Variants in KDM5D observed in about 807,000 individuals in gnomAD.
KDM5D encodes lysine demethylase 5D.
KDM5D carries 25 observed loss-of-function variants against 31.9 expected under a neutral mutation model. That is an observed-to-expected ratio of 0.78 (90% CI 0.57 to 1.09). The LOEUF is 1.09. KDM5D is among the 50% of genes least tolerant of loss of function. The pLI, the probability that KDM5D is intolerant of heterozygous loss-of-function variation, is 0.00. For synonymous variants in KDM5D, 146 were observed against 122.3 expected, an observed-to-expected ratio of 1.19 and a Z score of -1.28; for missense variants, 366 against 341.6, an observed-to-expected ratio of 1.07 and a Z score of -0.56.
chrY:19,706,238 T>C lies in KDM5D; in HGVS notation c.4377A>G (p.Gln1459=). The part of the protein sequence containing the change: ...DQGRNVENLV[Q]QELQSKRARS... ...GAGCCCTTTTTGACTGAAGCTCCTG[T>C]TGAACAAGATTCTCAACGTTTCTAC... is the stretch of plus-strand genomic sequence containing the variant. The change falls in exon 27 of 27, where the codon CAA becomes CAG. Residue 1459 remains glutamine (Q), a synonymous_variant. Coordinates refer to ENST00000317961, the MANE Select transcript of KDM5D (RefSeq NM_004653.5). 1 of 396,059 alleles carries C rather than the reference T, an allele frequency of 2.5e-6. No individual in the cohort carries two copies. Among genetic ancestry groups the C allele is most frequent in the South Asian group, 3.0e-5 (1 of 33,193 alleles).
chrY:19,742,522 G>C (rs1050516601), intron 3 of KDM5D, among the ~76,000 whole-genome samples: 1 of 34,171 alleles, frequency 2.9e-5, no homozygotes, highest in South Asian at 6.4e-4. Context: ...TTCTGTTAAA[G>C]AACTAAAAAA....
At chrY:19,733,127 T>C (rs2045484940) in intron 8 of KDM5D, among the ~76,000 whole-genome samples, 1 of 33,661 alleles carries the variant, frequency 3.0e-5, no homozygotes, top group Non-Finnish European at 7.4e-5. Flanking sequence ...GATAGACATA[T>C]ACTTTCATTA....
At chrY:19,732,361 C>G (rs767052568) in intron 9 of KDM5D, among the ~76,000 whole-genome samples, 196 bp from the exon 10 acceptor site, 1 of 32,183 alleles carries the variant, frequency 3.1e-5, no homozygotes, top group Non-Finnish European at 7.5e-5. Context: ...ATGCTTCATG[C>G]CATTTGAATT....
chrY:19,708,000 C>G lies in KDM5D; in HGVS notation c.3333G>C (p.Gly1111=), dbSNP rs368539895. Residue 1111 remains glycine, a synonymous_variant, in exon 23 of 27, where the codon GGG becomes GGC. Transcript: ENST00000317961. ...KRSRWMEKAL[G]LYQCDTELLG... ...GCAGCTCTGTGTCACACTGGTACAA[C>G]CCCAGCGCCTTCTCCATCCACCGGC... 2.5e-6 allele frequency: 1 copy of G among 394,827 alleles called. No homozygotes were observed. The highest frequency in any genetic ancestry group is 6.5e-5 in the African/African-American group (1 of 15,400).
intron 3 of KDM5D, among the ~76,000 whole-genome samples, chrY:19,742,070 TA>T (rs2045557130): frequency 3.0e-5 from 1 of 33,517 alleles, no homozygotes. Flanking sequence ...TGTGCCGTCT[TA>T]GGATCAACAT....
chrY:19,731,121 T>C, intron 11 of KDM5D, among the ~76,000 whole-genome samples: 1 of 33,790 alleles, frequency 3.0e-5, no homozygotes, highest in Admixed American at 2.7e-4. Flanking sequence ...CTTTTGGTTC[T>C]GGCCAACATG....
intron 13 of KDM5D, among the ~76,000 whole-genome samples, chrY:19,720,016 T>C: frequency 1.8e-4 from 6 of 32,672 alleles, no homozygotes; most frequent in Non-Finnish European, 3.7e-4. Context: ...TGAAAGGATA[T>C]TACTGAGTAG....
intron 11 of KDM5D, among the ~76,000 whole-genome samples, chrY:19,729,989 G>A: frequency 9.0e-5 from 3 of 33,229 alleles, no homozygotes; most frequent in African/African-American, 3.5e-4. Context: ...CAGGAGACCT[G>A]TAAAACAATG....
intron 5 of KDM5D, 115 bp downstream of exon 5, chrY:19,741,203 C>CTA (rs2045546749): frequency 5.6e-6 from 1 of 180,128 alleles, no homozygotes; most frequent in African/African-American, 8.6e-5. Context: ...CATCTTCACT[C>CTA]TAGAGATTTA....
At chrY:19,741,629 C>A in intron 4 of KDM5D, 106 bp downstream of exon 4, 2 of 258,588 alleles carry the variant, frequency 7.7e-6, no homozygotes, top group South Asian at 7.8e-5. Context: ...CGTCAAGAAA[C>A]GCTGCCAGGC....
chrY:19,729,059 C>A (rs1603545943), intron 11 of KDM5D, among the ~76,000 whole-genome samples: 1 of 30,217 alleles, frequency 3.3e-5, no homozygotes, highest in South Asian at 8.0e-4. Flanking sequence ...TAAAAATACA[C>A]AAAATTAGCT....
At chrY:19,719,156 C>T (rs1603545843) in intron 13 of KDM5D, among the ~76,000 whole-genome samples, 1 of 28,416 alleles carries the variant, frequency 3.5e-5, no homozygotes, top group South Asian at 8.3e-4. Context: ...GGCGACAGAG[C>T]GAGACTCCGT....
intron 20 of KDM5D, 113 bp from the exon 21 acceptor site, chrY:19,709,126 T>C (rs1016241788): frequency 1.6e-4 from 31 of 199,024 alleles, no homozygotes; most frequent in Non-Finnish European, 2.3e-4. Flanking sequence ...AAGTGTTGCA[T>C]GACAAAGTAA....
At chrY:19,711,219 G>A (rs2045295300) in intron 18 of KDM5D, among the ~76,000 whole-genome samples, 1 of 33,071 alleles carries the variant, frequency 3.0e-5, no homozygotes, top group South Asian at 6.6e-4. Context: ...GGAAATGCAG[G>A]GCATGTTATT....
At chrY:19,718,099 G>C (rs1007278878) in intron 13 of KDM5D, among the ~76,000 whole-genome samples, 1 of 34,073 alleles carries the variant, frequency 2.9e-5, no homozygotes, top group Non-Finnish European at 7.3e-5. Flanking sequence ...TAGAACCCTT[G>C]AGCATGGCTG....
At chrY:19,741,680 A>C in intron 4 of KDM5D, 55 bp downstream of exon 4, 2 of 350,690 alleles carry the variant, frequency 5.7e-6, no homozygotes, top group Non-Finnish European at 8.2e-6. Flanking sequence ...TCTACCACAG[A>C]AGATCCTTGA....
At position 19,716,340 on chromosome Y, in the gene KDM5D, T is replaced by C. The variant is rs745923572; in HGVS notation, c.1970A>G (p.His657Arg). 2.5e-6 allele frequency: 1 copy of C among 399,034 alleles called. No individual in the cohort carries two copies. The highest frequency in any genetic ancestry group is 3.5e-6 in the Non-Finnish European group (1 of 283,436). ...TLDLNLAVAV[H>R]KEMFIMVQEE... is the part of the protein sequence containing the mutation. ...CTGAACCATAATGAACATCTCCTTGTGCACAGCTACTGCTAGATTGAGATC... is the reference window on the plus strand; with the variant it reads ...CTGAACCATAATGAACATCTCCTTGCGCACAGCTACTGCTAGATTGAGATC... Residue 657 changes from histidine (H) to arginine (R), a missense_variant, in exon 15 of 27, where the codon CAC (histidine) becomes CGC (arginine). Physicochemically the swap from His to Arg is conservative, Grantham distance 29. Coordinates refer to ENST00000317961, the MANE Select transcript of KDM5D (RefSeq NM_004653.5).
intron 13 of KDM5D, among the ~76,000 whole-genome samples, chrY:19,720,222 C>T (rs931534048): frequency 2.8e-4 from 9 of 31,800 alleles, no homozygotes; most frequent in African/African-American, 1.1e-3. Flanking sequence ...TCTTGTGAGA[C>T]GAGGAATACT....
intron 6 of KDM5D, among the ~76,000 whole-genome samples, chrY:19,739,149 A>C (rs7893006): frequency 0.023 from 741 of 32,762 alleles, no homozygotes; most frequent in Non-Finnish European, 0.042. Context: ...GCTTTGCAAA[A>C]ATCGTTCCAA....
Sources: allele counts gnomAD v4.1 joint callset (sites outside exome capture counted in the v4.1 genomes callset), GRCh38; gene constraint gnomAD v4.1.1; transcripts MANE v1.5; gene names NCBI Gene and HGNC (gene_info 2026-07-23, HGNC 2026-07-21).